Variants in ANXA8 observed in about 807,000 individuals in gnomAD.
ANXA8 encodes the protein VAC-beta.
ANXA8 carries 9 observed loss-of-function variants against 26.8 expected under a neutral mutation model. That is an observed-to-expected ratio of 0.34 (90% confidence interval 0.20 to 0.59). ANXA8 has a LOEUF of 0.59. ANXA8 is among the 20% of genes least tolerant of loss of function. ANXA8 has a pLI of 0.84. For synonymous variants in ANXA8, 39 were observed against 94.8 expected, an observed-to-expected ratio of 0.41 and a Z score of 3.42; for missense variants, 83 against 238.5, an observed-to-expected ratio of 0.35 and a Z score of 4.29.
At chr10:47,672,466 T>G in the ANXA8 span, among the ~76,000 whole-genome samples, 3 of 151,678 alleles carry the variant, frequency 2.0e-5, no homozygotes, top group African/African-American at 7.3e-5. Flanking sequence ...AATAACTTTC[T>G]GTTTAGTTAA....
chr10:47,708,881 A>G, the ANXA8 span, among the ~76,000 whole-genome samples: 2 of 150,162 alleles, frequency 1.3e-5, no homozygotes, highest in Non-Finnish European at 2.9e-5. Flanking sequence ...GGACAAATAT[A>G]TAATTTGATG....
At chr10:47,495,712 C>T in the ANXA8 span, among the ~76,000 whole-genome samples, 2 of 145,862 alleles carry the variant, frequency 1.4e-5, no homozygotes, top group South Asian at 2.2e-4. Flanking sequence ...CATCAATACA[C>T]ACATCAAACT....
chr10:47,952,289 G>C, the ANXA8 span, among the ~76,000 whole-genome samples: 1 of 151,504 alleles, frequency 6.6e-6, no homozygotes, highest in African/African-American at 2.4e-5. Context: ...TAAGGTAAGA[G>C]GAAATACCGA....
chr10:47,527,546 G>T, the ANXA8 span, among the ~76,000 whole-genome samples: 2 of 148,700 alleles, frequency 1.3e-5, no homozygotes, highest in Non-Finnish European at 3.0e-5. Flanking sequence ...ACCTAGCACA[G>T]TGCCTGTTCA....
At chr10:47,703,609 C>A in the ANXA8 span, among the ~76,000 whole-genome samples, 1 of 151,158 alleles carries the variant, frequency 6.6e-6, no homozygotes, top group Non-Finnish European at 1.5e-5. Context: ...TAGAGAATTA[C>A]CATCAGGCAG....
chr10:47,636,853 T>C, the ANXA8 span, among the ~76,000 whole-genome samples: 1 of 150,780 alleles, frequency 6.6e-6, no homozygotes, highest in African/African-American at 2.5e-5. Flanking sequence ...CTTCATTTGC[T>C]CATTCACCTA....
chr10:47,521,890 C>T, the ANXA8 span, among the ~76,000 whole-genome samples: 2 of 149,774 alleles, frequency 1.3e-5, no homozygotes, highest in African/African-American at 4.9e-5. Flanking sequence ...AAGCAATTCT[C>T]CCGCCTCAGC....
the ANXA8 span, among the ~76,000 whole-genome samples, chr10:47,498,349 T>C: frequency 6.9e-6 from 1 of 145,512 alleles, no homozygotes; most frequent in Non-Finnish European, 1.5e-5. Flanking sequence ...TTTTTAAGGC[T>C]GAAGAACATT....
the ANXA8 span, among the ~76,000 whole-genome samples, chr10:47,747,355 G>T: frequency 6.7e-6 from 1 of 149,356 alleles, no homozygotes; most frequent in African/African-American, 2.5e-5. Flanking sequence ...TATGCAGAAA[G>T]GCTATGAAAA....
At chr10:47,988,790 C>T in the ANXA8 span, among the ~76,000 whole-genome samples, 545 of 151,770 alleles carry the variant, frequency 3.6e-3, 10 homozygotes, top group African/African-American at 0.012. Context: ...GGCTCAGGCT[C>T]GCTGGCTACT....
At chr10:47,485,842 C>T (rs1165897611), upstream of ANXA8, among the ~76,000 whole-genome samples, 1 of 151,934 alleles carries the variant, frequency 6.6e-6, no homozygotes, top group Non-Finnish European at 1.5e-5. Context: ...GGTGCGGTGG[C>T]TCACGCCTGT....
the ANXA8 span, among the ~76,000 whole-genome samples, chr10:47,733,233 C>T: frequency 0.039 from 2,284 of 58,000 alleles, 20 homozygotes; most frequent in Admixed American, 0.063. Context: ...CTTTCTTTCT[C>T]TCTTTCTTTC....
the ANXA8 span, among the ~76,000 whole-genome samples, chr10:47,530,382 T>C: frequency 6.7e-6 from 1 of 149,030 alleles, no homozygotes; most frequent in African/African-American, 2.5e-5. Context: ...AATCCCCTCA[T>C]TTTCTCTCTT....
the ANXA8 span, among the ~76,000 whole-genome samples, chr10:47,983,264 T>C: frequency 3.1e-5 from 2 of 63,582 alleles, 1 homozygote; most frequent in Admixed American, 3.1e-4. Flanking sequence ...TGAAAACCTA[T>C]ATCCACACAA....
chr10:47,653,268 C>T, the ANXA8 span, among the ~76,000 whole-genome samples: 47 of 149,410 alleles, frequency 3.1e-4, no homozygotes, highest in Non-Finnish European at 6.0e-4. Flanking sequence ...GCCGAGACTG[C>T]GCCACTGCAC....
At chr10:47,689,422 T>C in the ANXA8 span, among the ~76,000 whole-genome samples, 353 of 151,234 alleles carry the variant, frequency 2.3e-3, no homozygotes, top group East Asian at 3.9e-3. Flanking sequence ...GTGATCCACC[T>C]GCCTCGGCCT....
At chr10:47,580,343 T>G in the ANXA8 span, among the ~76,000 whole-genome samples, 1 of 152,264 alleles carries the variant, frequency 6.6e-6, no homozygotes. Flanking sequence ...ATCTAACAAG[T>G]GCAGAATATA....
chr10:47,952,061 C>T, the ANXA8 span, among the ~76,000 whole-genome samples: 143 of 150,434 alleles, frequency 9.5e-4, 11 homozygotes, highest in East Asian at 0.026. Context: ...TACTCATTCA[C>T]GATGTACTTT....
the ANXA8 span, among the ~76,000 whole-genome samples, chr10:47,628,068 G>A: frequency 6.6e-6 from 1 of 150,628 alleles, no homozygotes; most frequent in Admixed American, 6.6e-5. Flanking sequence ...TCATGCATTT[G>A]TATTCTTATT....
Sources: gnomAD v4.1 joint callset for allele counts (sites outside exome capture counted in the v4.1 genomes callset) on GRCh38, gnomAD v4.1.1 for gene constraint, MANE v1.5 for transcripts, NCBI Gene and HGNC (gene_info 2026-07-23, HGNC 2026-07-21) for gene names.